ADAP1: variants seen among roughly 807,000 people sequenced by gnomAD.
ADAP1 encodes arf-GAP with dual PH domain-containing protein 1.
In ADAP1, 31 loss-of-function variants were observed where a neutral mutation model predicts 54.9. The observed-to-expected ratio is 0.56, with a 90% CI of 0.42 to 0.76. ADAP1 has a LOEUF of 0.76. ADAP1 is among the 30% of genes least tolerant of loss of function. The probability of loss-of-function intolerance (pLI) is 0.00; values close to 1 mark genes in which losing one functional copy is unlikely to be tolerated. For synonymous variants in ADAP1, 313 were observed against 202.6 expected, an observed-to-expected ratio of 1.55 and a Z score of -4.63; for missense variants, 535 against 512.4, an observed-to-expected ratio of 1.04 and a Z score of -0.42.
chr7:935,587 C>T (rs986678431), intron 1 of ADAP1, 82 bp from the exon 2 acceptor site: 1 of 1,513,908 alleles, frequency 6.6e-7, no homozygotes, highest in African/African-American at 1.4e-5. Context: ...AGTCAGGAGC[C>T]CCCGGCCATG....
chr7:937,980 C>T (rs35585784), intron 1 of ADAP1, among the ~76,000 whole-genome samples: 21,323 of 152,172 alleles, frequency 0.14, 1,557 homozygotes, highest in East Asian at 0.21. Context: ...AACAGCCCTA[C>T]TTCAGCAGAG....
intron 6 of ADAP1, among the ~76,000 whole-genome samples, chr7:903,184 C>T (rs900372767): frequency 2.0e-5 from 3 of 152,158 alleles, no homozygotes; most frequent in Non-Finnish European, 4.4e-5. Context: ...GGAACACAGC[C>T]GCTTACTGTG....
At chr7:924,652 C>T (rs937527544) in intron 3 of ADAP1, among the ~76,000 whole-genome samples, 2 of 151,060 alleles carry the variant, frequency 1.3e-5, no homozygotes, top group Admixed American at 6.6e-5. Flanking sequence ...ATTCACACCC[C>T]ACCCCAGATA....
At chr7:930,153 T>C (rs1003425844) in intron 2 of ADAP1, among the ~76,000 whole-genome samples, 12 of 145,168 alleles carry the variant, frequency 8.3e-5, no homozygotes, top group African/African-American at 3.1e-4. Context: ...GGCCTATTTA[T>C]GTATGCTATA....
rs750752492 is a variant in ADAP1 at position 899,407 on chromosome 7, G to C, written c.867+12C>G. 6.8e-6 allele frequency: 11 copies of C among 1,612,862 alleles called. No individual in the cohort carries two copies. The highest frequency in any genetic ancestry group is 9.3e-6 in the Non-Finnish European group (11 of 1,179,794). Reference sequence around the variant, plus strand: ...GCTGCCCTCCCGTGCTGGGGCCACAGCTCCTCCTTACCAGGGGGTCTTTGA... The same window carrying C: ...GCTGCCCTCCCGTGCTGGGGCCACACCTCCTCCTTACCAGGGGGTCTTTGA... On this transcript the variant is annotated intron_variant, in intron 9 of 10. Coordinates refer to ENST00000265846, the MANE Select transcript of ADAP1 (RefSeq NM_006869.4).
At position 905,167 on chromosome 7, in the gene ADAP1, G is replaced by C; in HGVS notation, c.394C>G (p.Arg132Gly). Residue 132 changes from arginine (R) to glycine (G), a missense_variant, in exon 5 of 11, where the codon CGT (arginine) becomes GGT (glycine). By Grantham distance (125) the Arg-to-Gly change is moderately radical. Transcript: ENST00000265846. The part of the protein sequence containing the change: ...EKQEPYSAGY[R>G]EGFLWKRGRD... ...CCACGCTTCCAGAGAAAACCCTCACGGTACCCTGTGGGGGAAAGGGGACAC... is the reference window on the plus strand; with the variant it reads ...CCACGCTTCCAGAGAAAACCCTCACCGTACCCTGTGGGGGAAAGGGGACAC... The C allele has an allele frequency of 1.2e-6, 2 of 1,611,114 alleles. No homozygotes were observed. The highest frequency in any genetic ancestry group is 1.7e-6 in the Non-Finnish European group (2 of 1,179,446).
intron 1 of ADAP1, among the ~76,000 whole-genome samples, chr7:953,937 G>A (rs910609595): frequency 5.3e-5 from 8 of 152,192 alleles, no homozygotes; most frequent in Admixed American, 4.6e-4. Context: ...CCCCCGGTGC[G>A]GGAAGGGCGT....
chr7:931,789 CAT>C (rs1333010896), intron 2 of ADAP1, among the ~76,000 whole-genome samples: 39 of 135,870 alleles, frequency 2.9e-4, no homozygotes, highest in African/African-American at 1.0e-3. Flanking sequence ...AAAAAAAAAA[CAT>C]AAAATGTGAA....
At chr7:907,955 G>A (rs1845545415) in intron 4 of ADAP1, among the ~76,000 whole-genome samples, 2 of 151,852 alleles carry the variant, frequency 1.3e-5, no homozygotes, top group Admixed American at 6.6e-5. Flanking sequence ...TCGCGGGGCC[G>A]TCTGCCCAGT....
rs144954172 is a variant in ADAP1, at chr7:935,453, C to G, written c.135G>C (p.Ser45=). 1,511 of 1,561,586 alleles carry G rather than the reference C, an allele frequency of 9.7e-4. 5 individuals carry two copies. The African/African-American group carries it at 0.011, about 11-fold the overall frequency. ...CCTGGGGGATATTCCGGTGGATTCC[C>G]GAGCAGCTCAGGCAGATGAAGACGC... ...TLGVFICLSC[S]GIHRNIPQVS... Residue 45 remains serine (S), a synonymous_variant, in exon 2 of 11, where the codon TCG becomes TCC. Transcript: ENST00000265846.
intron 4 of ADAP1, among the ~76,000 whole-genome samples, chr7:912,237 AGCC>A (rs1845753904): frequency 6.6e-6 from 1 of 152,158 alleles, no homozygotes; most frequent in Non-Finnish European, 1.5e-5. Flanking sequence ...TAGAGCAGGA[AGCC>A]CCGCGTCTCA....
Position 905,471 on chromosome 7 carries a change from GA to G in ADAP1, c.389-300del, listed in dbSNP as rs1562911988. ...AGGGAGAAAGGGAAAGGAGAAAGGA[GA>G]AAGGGAAAGGAGAAAGGAGAAGGGA... On this transcript the variant is annotated intron_variant, in intron 4 of 10. Transcript: ENST00000265846. 18 of 96,968 alleles carry G rather than the reference GA, an allele frequency of 1.9e-4. 1 individual carries two copies. The highest frequency in any genetic ancestry group is 3.1e-4 in the South Asian group (2 of 6,374). The allele number at this position is 96,968 out of a possible 1,614,324, so 6.0% of individuals were successfully genotyped here.
intron 4 of ADAP1, among the ~76,000 whole-genome samples, chr7:919,459 C>T (rs999197324): frequency 1.3e-5 from 2 of 151,696 alleles, no homozygotes; most frequent in South Asian, 2.1e-4. Context: ...AAAACAGGTC[C>T]GGGGACGCGG....
At position 905,765 on chromosome 7, in the gene ADAP1, GA is replaced by G. The variant is rs1172356143; in HGVS notation, c.389-594del. 2.0e-3 allele frequency: 71 copies of G among 35,610 alleles called. 4 individuals are homozygous for G. The highest frequency in any genetic ancestry group is 3.1e-3 in the African/African-American group (26 of 8,448). 2.2% of individuals were successfully genotyped at this position (35,610 alleles called of 1,614,324 possible). On this transcript the variant is annotated intron_variant, in intron 4 of 10. Transcript: ENST00000265846. ...AGGAGAAGGGAGAAGGGAGAAGGGA[GA>G]AAGGAGAAAGGAGAAAGGAGAAAGG...
intron 4 of ADAP1, among the ~76,000 whole-genome samples, chr7:912,272 C>T (rs776204687): frequency 3.3e-5 from 5 of 151,998 alleles, no homozygotes; most frequent in Non-Finnish European, 7.4e-5. Context: ...GCCTGGCCCT[C>T]AGGACAACAT....
chr7:899,539 T>C, intron 8 of ADAP1, 49 bp from the exon 9 acceptor site: 1 of 1,584,424 alleles, frequency 6.3e-7, no homozygotes. Flanking sequence ...AGGCAGGCCC[T>C]ACATCCAGCT....
In ADAP1 at chr7:904,390, A is replaced by G. The variant is rs1300189912; in HGVS notation, c.502-118T>C. The G allele has an allele frequency of 4.5e-6, 6 of 1,318,892 alleles. No individual in the cohort carries two copies. In the East Asian group the frequency reaches 1.5e-4, roughly 33 times the overall value. 81.7% of individuals were successfully genotyped at this position (1,318,892 alleles called of 1,614,324 possible). A position where few individuals can be genotyped will look rare whatever the true frequency, so the allele number is the denominator to read the frequency against. ...CCTGCTGTGCTGTGTGGCTTTGGGC[A>G]AGTTACTTAAGCGCTCTGAGCCTTG... On this transcript the variant is annotated intron_variant, in intron 5 of 10. Transcript: ENST00000265846.
chr7:934,598 G>A (rs1480282957), intron 2 of ADAP1, among the ~76,000 whole-genome samples: 2 of 152,080 alleles, frequency 1.3e-5, no homozygotes, highest in Admixed American at 6.5e-5. Context: ...CCCTCCCACC[G>A]GGTCTTCAGG....
chr7:929,597 G>A (rs1281774381), intron 2 of ADAP1, among the ~76,000 whole-genome samples: 1 of 151,672 alleles, frequency 6.6e-6, no homozygotes, highest in Admixed American at 6.6e-5. Context: ...AATCCACAGA[G>A]ACACAAAGCA....
Sources: gnomAD v4.1 joint callset for allele counts (sites outside exome capture counted in the v4.1 genomes callset) on GRCh38, gnomAD v4.1.1 for gene constraint, MANE v1.5 for transcripts, NCBI Gene and HGNC (gene_info 2026-07-23, HGNC 2026-07-21) for gene names.